MYO1E: variants seen among roughly 807,000 people sequenced by gnomAD.
MYO1E encodes the protein unconventional myosin-Ie.
In MYO1E, 68 loss-of-function variants were observed where a neutral mutation model predicts 151.1. That is an observed-to-expected ratio of 0.45 (90% CI 0.37 to 0.55). The LOEUF (loss-of-function observed/expected upper bound fraction) is 0.55. MYO1E is among the 20% of genes least tolerant of loss of function. The pLI is 0.00. For synonymous variants in MYO1E, 601 were observed against 501.7 expected (o/e 1.20, Z -2.64); for missense variants, 1,363 against 1,389.3 (o/e 0.98, Z 0.30).
chr15:59,160,301 C>T (rs1759750394), intron 24 of MYO1E, among the ~76,000 whole-genome samples: 1 of 147,488 alleles, frequency 6.8e-6, no homozygotes, highest in Non-Finnish European at 1.5e-5. Flanking sequence ...AAAATAAAGG[C>T]CAGGGAAGGA....
At chr15:59,205,572 T>A in intron 14 of MYO1E, 87 bp from the exon 15 acceptor site, 1 of 1,327,002 alleles carries the variant, frequency 7.5e-7, no homozygotes, top group Non-Finnish European at 1.1e-6. Flanking sequence ...AAATCTAATT[T>A]CACCAAACAA....
chr15:59,152,278 C>G (rs16941077), intron 26 of MYO1E, among the ~76,000 whole-genome samples: 8,924 of 152,240 alleles, frequency 0.059, 586 homozygotes, highest in African/African-American at 0.16. Flanking sequence ...TGGCTGCCCC[C>G]TCAGAGGAAG....
At chr15:59,170,027 G>A (rs1238954038) in intron 22 of MYO1E, among the ~76,000 whole-genome samples, 1 of 152,130 alleles carries the variant, frequency 6.6e-6, no homozygotes, top group Non-Finnish European at 1.5e-5. Flanking sequence ...CAGGGGTGGT[G>A]GCTCAGGCCT....
In MYO1E at chr15:59,335,684, C is replaced by T. The variant is rs543451554; in HGVS notation, c.3+36814G>A. Reference sequence around the variant, plus strand: ...GGACTTACATTTAAACTATATTAGACCTCATGCCTCAGAGATAGGCCACTG... The same window carrying T: ...GGACTTACATTTAAACTATATTAGATCTCATGCCTCAGAGATAGGCCACTG... On this transcript the variant is annotated intron_variant, in intron 1 of 27. Transcript: ENST00000288235. 3.1e-4 allele frequency among the ~76,000 whole-genome samples: 47 copies of T among 152,246 alleles called. 1 individual carries two copies. In the South Asian group the frequency reaches 6.2e-3, roughly 20 times the overall value.
rs76774946 is a variant in MYO1E at position 59,245,830 on chromosome 15, T to C, written c.333-9158A>G. Reference sequence around the variant, plus strand: ...GGCTTCAGAAATGCCTCTGGCCACATTGTCAAGATCTTGTCTGGTGATGGA... The same window carrying C: ...GGCTTCAGAAATGCCTCTGGCCACACTGTCAAGATCTTGTCTGGTGATGGA... On this transcript the variant is annotated intron_variant, in intron 4 of 27. Coordinates refer to ENST00000288235, the MANE Select transcript of MYO1E (RefSeq NM_004998.4). Among the ~76,000 whole-genome samples the C allele has an allele frequency of 6.3e-3, 959 of 152,366 alleles. 14 individuals carry two copies. The highest frequency in any genetic ancestry group is 0.022 in the African/African-American group (904 of 41,586).
At position 59,342,049 on chromosome 15, in the gene MYO1E, G is replaced by A. The variant is rs561801112; in HGVS notation, c.3+30449C>T. ...TCCTTGCCAGCATTCATTATTGCCC[G>A]TCTTCTGGATAAAAGCCATTTTTAC... On this transcript the variant is annotated intron_variant, in intron 1 of 27. Transcript: ENST00000288235. Among the ~76,000 whole-genome samples, 63 of 152,162 alleles carry A rather than the reference G, an allele frequency of 4.1e-4. No individual in the cohort carries two copies. The South Asian group carries it at 7.9e-3, about 19-fold the overall frequency.
chr15:59,338,291 T>C (rs1324118782), intron 1 of MYO1E, among the ~76,000 whole-genome samples: 1 of 151,474 alleles, frequency 6.6e-6, no homozygotes, highest in Non-Finnish European at 1.5e-5. Context: ...TGACTTTTTT[T>C]TTTTTTTTTT....
chr15:59,147,046 G>T (rs1384264281), intron 26 of MYO1E, among the ~76,000 whole-genome samples: 1 of 152,158 alleles, frequency 6.6e-6, no homozygotes, highest in East Asian at 1.9e-4. Flanking sequence ...AACTTGCTCT[G>T]CAAGAGAAGT....
chr15:59,196,191 C>G (rs891163795), intron 16 of MYO1E, among the ~76,000 whole-genome samples: 2 of 152,276 alleles, frequency 1.3e-5, no homozygotes, highest in African/African-American at 4.8e-5. Flanking sequence ...AGTCTGAACA[C>G]TTTATCTGTG....
chr15:59,353,369 A>AAAAAAAGAAAAGAAAAG (rs1178465167), intron 1 of MYO1E, among the ~76,000 whole-genome samples: 1 of 96,850 alleles, frequency 1.0e-5, no homozygotes, highest in South Asian at 3.4e-4. Flanking sequence ...AAAAAAAAAA[A>AAAAAAAGAAAAGAAAAG]AAAAGAAAAG....
intron 16 of MYO1E, among the ~76,000 whole-genome samples, chr15:59,197,247 C>A (rs1212732326): frequency 6.6e-6 from 1 of 152,166 alleles, no homozygotes; most frequent in Non-Finnish European, 1.5e-5. Context: ...CCCGCCTCAG[C>A]CTCTCAAAGT....
intron 22 of MYO1E, chr15:59,171,342 A>T: frequency 1.8e-5 from 3 of 163,548 alleles, no homozygotes; most frequent in Non-Finnish European, 4.1e-5. Flanking sequence ...GGGAGGAGCA[A>T]GGGCCCTTCC....
intron 18 of MYO1E, among the ~76,000 whole-genome samples, chr15:59,186,590 A>G (rs1229509998): frequency 6.6e-6 from 1 of 152,154 alleles, no homozygotes; most frequent in African/African-American, 2.4e-5. Context: ...TGTCTCTACG[A>G]AAAGTAAAAA....
intron 1 of MYO1E, among the ~76,000 whole-genome samples, chr15:59,309,311 A>G (rs201008257): frequency 1.3e-5 from 2 of 152,326 alleles, no homozygotes; most frequent in East Asian, 3.9e-4. Flanking sequence ...TGAAGCTTCC[A>G]TAAGTTAAGT....
intron 1 of MYO1E, among the ~76,000 whole-genome samples, chr15:59,311,550 C>T (rs1027441417): frequency 6.6e-6 from 1 of 152,140 alleles, no homozygotes; most frequent in African/African-American, 2.4e-5. Flanking sequence ...GCAGAAGGAC[C>T]TGCAGCTTTG....
chr15:59,147,505 TC>T (rs1438683208), intron 26 of MYO1E, among the ~76,000 whole-genome samples: 2 of 139,066 alleles, frequency 1.4e-5, no homozygotes, highest in Non-Finnish European at 3.0e-5. Context: ...GGCATGAGAA[TC>T]GCTTGAACGT....
chr15:59,139,921 TCTC>T (rs1355103890), intron 26 of MYO1E, among the ~76,000 whole-genome samples: 1 of 151,838 alleles, frequency 6.6e-6, no homozygotes, highest in East Asian at 1.9e-4. Context: ...ACTCCTCAGG[TCTC>T]CTTCCCATTC....
At chr15:59,300,863 TTTC>T (rs1396925805) in intron 1 of MYO1E, among the ~76,000 whole-genome samples, 3 of 146,082 alleles carry the variant, frequency 2.1e-5, no homozygotes, top group Admixed American at 6.7e-5. Flanking sequence ...TTTCCTTTTT[TTTC>T]TTTTTTTTTT....
chr15:59,289,978 T>C (rs912923144), intron 1 of MYO1E, among the ~76,000 whole-genome samples: 7 of 152,206 alleles, frequency 4.6e-5, no homozygotes, highest in Non-Finnish European at 8.8e-5. Context: ...CCCCACAATG[T>C]TTGGGGATCG....
Sources: gnomAD v4.1 joint callset for allele counts (sites outside exome capture counted in the v4.1 genomes callset) on GRCh38, gnomAD v4.1.1 for gene constraint, MANE v1.5 for transcripts, NCBI Gene and HGNC (gene_info 2026-07-23, HGNC 2026-07-21) for gene names.